The following RGS6 variants were observed in gnomAD, a reference collection of about 807,000 sequenced individuals.
RGS6 encodes the protein regulator of G-protein signaling 6.
RGS6 carries 30 observed loss-of-function variants against 78.5 expected under a neutral mutation model. That is an observed-to-expected ratio of 0.38 (90% CI 0.29 to 0.52). The LOEUF is 0.52. RGS6 is among the 20% of genes least tolerant of loss of function. The probability of loss-of-function intolerance (pLI) is 0.85; values close to 1 mark genes in which losing one functional copy is unlikely to be tolerated. For missense variants in RGS6, 495 were observed against 609.7 expected (o/e 0.81, Z 1.98); for synonymous variants, 206 against 206.0 (o/e 1.00, Z 0.00).
At chr14:72,475,061 T>G (rs2096201595) in intron 10 of RGS6, among the ~76,000 whole-genome samples, 3 of 151,566 alleles carry the variant, frequency 2.0e-5, no homozygotes, top group Admixed American at 6.6e-5. Flanking sequence ...TGAAAGAGGG[T>G]CAGGTGTTCT....
the RGS6 span, among the ~76,000 whole-genome samples, chr14:71,898,067 A>G: frequency 6.6e-6 from 1 of 150,986 alleles, no homozygotes; most frequent in Non-Finnish European, 1.5e-5. Context: ...ATATGTATAC[A>G]TTGTGAAAAT....
chr14:72,195,858 A>T (rs953858951), intron 2 of RGS6, among the ~76,000 whole-genome samples: 1 of 152,236 alleles, frequency 6.6e-6, no homozygotes, highest in Non-Finnish European at 1.5e-5. Flanking sequence ...AATTAATATT[A>T]TTCTCCAAGG....
chr14:72,266,027 A>T (rs1425474095), intron 2 of RGS6, among the ~76,000 whole-genome samples: 2 of 152,034 alleles, frequency 1.3e-5, no homozygotes, highest in Non-Finnish European at 2.9e-5. Context: ...ACTATCCCCA[A>T]ATCTAACGGC....
At chr14:71,999,632 G>T (rs2083008228) in intron 2 of RGS6, among the ~76,000 whole-genome samples, 1 of 103,636 alleles carries the variant, frequency 9.6e-6, no homozygotes, top group Non-Finnish European at 2.3e-5. Flanking sequence ...TTCATGAATG[G>T]TTTAGCACCG....
chr14:72,568,093 G>A (rs11847034), downstream of RGS6, among the ~76,000 whole-genome samples: 55,123 of 152,188 alleles, frequency 0.36, 14,255 homozygotes, highest in African/African-American at 0.74. Context: ...TTCCTCGCTT[G>A]AAGTGTGGGC....
chr14:72,001,840 C>G (rs1161882422), intron 2 of RGS6, among the ~76,000 whole-genome samples: 1 of 148,602 alleles, frequency 6.7e-6, no homozygotes, highest in Non-Finnish European at 1.5e-5. Flanking sequence ...GTTGTAAGTA[C>G]TCTTTCACAT....
chr14:72,454,489 C>T (rs1490664758), intron 3 of RGS6, 39 bp from the exon 4 acceptor site: 1 of 1,599,634 alleles, frequency 6.3e-7, no homozygotes. Context: ...GTGTTAAACA[C>T]CCAGGAGGTC....
intron 2 of RGS6, among the ~76,000 whole-genome samples, chr14:72,251,941 A>G (rs764649557): frequency 1.3e-5 from 2 of 152,244 alleles, no homozygotes; most frequent in African/African-American, 4.8e-5. Flanking sequence ...TCTAATGACT[A>G]TTAGCCAAGT....
intron 2 of RGS6, among the ~76,000 whole-genome samples, chr14:72,034,356 A>T (rs964129770): frequency 6.7e-6 from 1 of 148,194 alleles, no homozygotes; most frequent in Admixed American, 6.7e-5. Flanking sequence ...TATTAATGAA[A>T]TTTTTTGTGT....
At chr14:72,440,010 G>A (rs192845082) in intron 3 of RGS6, among the ~76,000 whole-genome samples, 11 of 152,330 alleles carry the variant, frequency 7.2e-5, no homozygotes, top group South Asian at 4.1e-4. Context: ...TTTGTCTAAA[G>A]CACCTTCCTT....
intron 2 of RGS6, among the ~76,000 whole-genome samples, chr14:72,298,783 G>C (rs1019860814): frequency 4.6e-5 from 7 of 152,080 alleles, no homozygotes; most frequent in Non-Finnish European, 1.0e-4. Flanking sequence ...TCAGTGTCTG[G>C]GCAACACTGG....
At chr14:72,315,147 A>T (rs571884048) in intron 2 of RGS6, among the ~76,000 whole-genome samples, 31 of 136 alleles carry the variant, frequency 0.23, no homozygotes, top group African/African-American at 0.45. Flanking sequence ...AAACATATGT[A>T]AATATCAGCT....
chr14:72,158,304 T>C (rs1487687779), intron 2 of RGS6, among the ~76,000 whole-genome samples: 1 of 152,116 alleles, frequency 6.6e-6, no homozygotes, highest in Non-Finnish European at 1.5e-5. Context: ...TGTCCGAATT[T>C]CTTCTTCTCG....
At chr14:72,504,655 A>T (rs555903523) in intron 13 of RGS6, among the ~76,000 whole-genome samples, 1 of 151,964 alleles carries the variant, frequency 6.6e-6, no homozygotes, top group South Asian at 2.1e-4. Context: ...TTACTTTCTG[A>T]GCCCTCGCCA....
chr14:72,297,498 T>A (rs1449801419), intron 2 of RGS6, among the ~76,000 whole-genome samples: 1 of 150,998 alleles, frequency 6.6e-6, no homozygotes, highest in Admixed American at 6.6e-5. Flanking sequence ...TATGTATACA[T>A]GTGCCATGCT....
intron 13 of RGS6, among the ~76,000 whole-genome samples, chr14:72,508,275 A>T (rs10132927): frequency 0.014 from 2,073 of 152,328 alleles, 43 homozygotes; most frequent in African/African-American, 0.047. Flanking sequence ...GTGAAGAAGT[A>T]GTTGGGTTTG....
chr14:72,014,961 G>T (rs1412997624), intron 2 of RGS6, among the ~76,000 whole-genome samples: 1 of 152,164 alleles, frequency 6.6e-6, no homozygotes, highest in African/African-American at 2.4e-5. Context: ...ATTATCTTGT[G>T]TGTGTCCTTC....
intron 2 of RGS6, among the ~76,000 whole-genome samples, chr14:72,249,454 G>A (rs562024275): frequency 6.6e-6 from 1 of 152,294 alleles, no homozygotes; most frequent in South Asian, 2.1e-4. Flanking sequence ...TGCTTCTTCT[G>A]TATGTGCAGT....
chr14:72,542,760 A>G (rs1002833859), intron 17 of RGS6, among the ~76,000 whole-genome samples: 5 of 151,788 alleles, frequency 3.3e-5, no homozygotes, highest in African/African-American at 1.2e-4. Flanking sequence ...GAACATGCCA[A>G]TGTCCTTTCT....
Sources: allele counts gnomAD v4.1 joint callset (sites outside exome capture counted in the v4.1 genomes callset), GRCh38; gene constraint gnomAD v4.1.1; transcripts MANE v1.5; gene names NCBI Gene and HGNC (gene_info 2026-07-23, HGNC 2026-07-21).